CELF2: variants seen among roughly 807,000 people sequenced by gnomAD.
The protein encoded by CELF2 is CUGBP Elav-like family member 2.
In CELF2, 8 loss-of-function variants were observed where a neutral mutation model predicts 62.6. The ratio of observed to expected loss-of-function variants is 0.13; its 90% CI spans 0.07 to 0.23. CELF2 has a LOEUF of 0.23. CELF2 is among the 10% of genes least tolerant of loss of function. The pLI is 1.00. For synonymous variants in CELF2, 258 were observed against 250.0 expected, an observed-to-expected ratio of 1.03 and a Z score of -0.30; for missense variants, 333 against 671.0, an observed-to-expected ratio of 0.50 and a Z score of 5.56.
chr10:11,170,444 G>A (rs968655521), intron 2 of CELF2, among the ~76,000 whole-genome samples: 4 of 152,162 alleles, frequency 2.6e-5, no homozygotes, highest in African/African-American at 9.7e-5. Flanking sequence ...TTGAAGAGCA[G>A]GGAGAGGCCG....
chr10:11,001,778 T>G (rs954215635), upstream of CELF2, among the ~76,000 whole-genome samples: 1 of 135,450 alleles, frequency 7.4e-6, no homozygotes, highest in African/African-American at 3.8e-5. Context: ...TGTTAATTAC[T>G]GCTTTTTTTT....
rs1278997035 is a variant in CELF2 at position 11,075,159 on chromosome 10, T to G, written c.74+56996T>G. Reference sequence around the variant, plus strand: ...TCCCTTGTCAAGTGTGGCTTGATTGTCTTCCTCTTCCTTGGCTGGCTGAGT... The same window carrying G: ...TCCCTTGTCAAGTGTGGCTTGATTGGCTTCCTCTTCCTTGGCTGGCTGAGT... On this transcript the variant is annotated intron_variant, in intron 1 of 12. Transcript: ENST00000633077. The surrounding 1 kb of genome is among the most constrained non-coding windows in gnomAD (Gnocchi z 5.4). 6.6e-6 allele frequency: 1 copy of G among 152,394 alleles called. No individual in the cohort carries two copies. Among genetic ancestry groups the G allele is most frequent in the Non-Finnish European group, 1.5e-5 (1 of 68,208 alleles). 9.4% of individuals were successfully genotyped at this position (152,394 alleles called of 1,614,324 possible).
rs184514912 is a variant in CELF2 at position 11,180,353 on chromosome 10, G to A, written c.271+14671G>A. Among the ~76,000 whole-genome samples the A allele has an allele frequency of 6.8e-3, 1,038 of 152,310 alleles. 6 individuals are homozygous for A. The highest frequency in any genetic ancestry group is 0.011 in the Non-Finnish European group (754 of 68,014). Reference sequence around the variant, plus strand: ...CTCTCCGGATCCCTCCTCCACCACCGCTTCTGTGACCTAGACTAAGGGTTG... The same window carrying A: ...CTCTCCGGATCCCTCCTCCACCACCACTTCTGTGACCTAGACTAAGGGTTG... On this transcript the variant is annotated intron_variant, in intron 2 of 12. Transcript: ENST00000633077.
chr10:10,557,201 G>C, the CELF2 span, among the ~76,000 whole-genome samples: 9 of 134,098 alleles, frequency 6.7e-5, no homozygotes, highest in Non-Finnish European at 1.1e-4. Context: ...ATCTTGAATT[G>C]ATTTTTGTAT....
chr10:10,765,025 G>T, the CELF2 span, among the ~76,000 whole-genome samples: 5 of 152,206 alleles, frequency 3.3e-5, no homozygotes, highest in Non-Finnish European at 7.3e-5. Context: ...AGAGAAGCTA[G>T]AGCCAACACA....
chr10:11,067,228 TA>T (rs1489805851), intron 1 of CELF2, among the ~76,000 whole-genome samples: 1 of 152,172 alleles, frequency 6.6e-6, no homozygotes, highest in Non-Finnish European at 1.5e-5. Context: ...CTTGTAAGAG[TA>T]CGTAAATGTG....
the CELF2 span, among the ~76,000 whole-genome samples, chr10:10,558,313 T>C: frequency 2.1e-4 from 32 of 151,874 alleles, no homozygotes; most frequent in East Asian, 7.7e-4. Flanking sequence ...TTGTCTTTGG[T>C]TCTGTTTATA....
intron 9 of CELF2, among the ~76,000 whole-genome samples, chr10:11,299,710 A>G (rs1357625911): frequency 6.6e-6 from 1 of 152,142 alleles, no homozygotes; most frequent in African/African-American, 2.4e-5. Context: ...GCGCCACCGC[A>G]CCACGAGACA....
chr10:10,895,247 T>G (rs1303850124), intron 1 of CELF2, among the ~76,000 whole-genome samples: 1 of 152,210 alleles, frequency 6.6e-6, no homozygotes, highest in South Asian at 2.1e-4. Context: ...GTAAGAAATA[T>G]TCACCATCTT....
chr10:11,273,472 C>G (rs2084669473), intron 7 of CELF2, among the ~76,000 whole-genome samples: 2 of 152,118 alleles, frequency 1.3e-5, no homozygotes, highest in African/African-American at 4.8e-5. Flanking sequence ...CCCCTCAACC[C>G]CTGGTCTGGT....
intron 3 of CELF2, among the ~76,000 whole-genome samples, chr10:11,248,650 G>C (rs1243068913): frequency 6.6e-6 from 1 of 152,220 alleles, no homozygotes; most frequent in Non-Finnish European, 1.5e-5. Flanking sequence ...TTTTTATAAT[G>C]ATACAATAAC....
intron 5 of CELF2, among the ~76,000 whole-genome samples, chr10:11,265,796 T>C (rs1261025966): frequency 1.3e-5 from 2 of 152,232 alleles, no homozygotes; most frequent in Non-Finnish European, 2.9e-5. Flanking sequence ...CCAGCAGATA[T>C]TCACAGAAGT....
intron 11 of CELF2, among the ~76,000 whole-genome samples, chr10:11,323,028 T>G (rs1324422034): frequency 6.6e-6 from 1 of 152,132 alleles, no homozygotes; most frequent in Non-Finnish European, 1.5e-5. Flanking sequence ...GGCCTTCCAG[T>G]AAACTCTAGA....
the CELF2 span, among the ~76,000 whole-genome samples, chr10:10,493,011 G>T: frequency 2.0e-5 from 3 of 152,210 alleles, no homozygotes; most frequent in Non-Finnish European, 2.9e-5. Flanking sequence ...GGGACTGTGA[G>T]TCCATGAAAT....
At chr10:11,101,548 A>C (rs1385433738) in intron 1 of CELF2, among the ~76,000 whole-genome samples, 1 of 152,242 alleles carries the variant, frequency 6.6e-6, no homozygotes, top group Admixed American at 6.5e-5. Flanking sequence ...GAAATTGACA[A>C]CCTGGGTAGT....
chr10:11,275,152 C>G (rs575289238), intron 8 of CELF2, 32 bp downstream of exon 8: 1 of 1,609,118 alleles, frequency 6.2e-7, no homozygotes, highest in Non-Finnish European at 8.5e-7. Context: ...TCCTTTTGAC[C>G]GTGCTATTGT....
At chr10:10,519,103 C>G in the CELF2 span, among the ~76,000 whole-genome samples, 2 of 152,032 alleles carry the variant, frequency 1.3e-5, no homozygotes, top group African/African-American at 4.8e-5. Context: ...GGGAGGTGAC[C>G]CAAGCCATAA....
the CELF2 span, among the ~76,000 whole-genome samples, chr10:10,563,599 C>G: frequency 5.8e-5 from 7 of 121,642 alleles, no homozygotes; most frequent in Non-Finnish European, 9.6e-5. Context: ...CATAGGGAGA[C>G]TGTGTCTCAA....
At chr10:11,218,964 C>A in intron 3 of CELF2, among the ~76,000 whole-genome samples, 1 of 152,124 alleles carries the variant, frequency 6.6e-6, no homozygotes, top group Admixed American at 6.5e-5. Context: ...ATTTCCCAGG[C>A]TCCTAATCAA....
Sources: allele counts gnomAD v4.1 joint callset (sites outside exome capture counted in the v4.1 genomes callset), GRCh38; gene constraint gnomAD v4.1.1; non-coding constraint Gnocchi (gnomAD v3.1); transcripts MANE v1.5; gene names NCBI Gene and HGNC (gene_info 2026-07-23, HGNC 2026-07-21).